CIB1: variants seen among roughly 807,000 people sequenced by gnomAD.
CIB1 encodes the protein calcium and integrin binding 1.
In CIB1, 19 loss-of-function variants were observed where a neutral mutation model predicts 25.0. The observed-to-expected ratio is 0.76, with a 90% confidence interval of 0.53 to 1.12. The LOEUF is 1.12. CIB1 is among the 50% of genes most tolerant of loss of function. The probability of loss-of-function intolerance (pLI) is 0.00; values close to 1 mark genes in which losing one functional copy is unlikely to be tolerated. For synonymous variants in CIB1, 104 were observed against 98.5 expected (o/e 1.06, Z -0.33); for missense variants, 236 against 242.6 (o/e 0.97, Z 0.18).
In CIB1 at chr15:90,231,144, C is replaced by A. The variant is rs11551251; in HGVS notation, c.416G>T (p.Gly139Val). 6.2e-7 allele frequency: 1 copy of A among 1,614,218 alleles called. No individual in the cohort carries two copies. The highest frequency in any genetic ancestry group is 8.5e-7 in the Non-Finnish European group (1 of 1,180,040). ...AGACGCACTAAGCCGTGTGTCCTCG[C>A]CCTCTCCCGTGAGGCAGTTCACCAG... ...SRLVNCLTGE[G>V]EDTRLSASEM... Residue 139 changes from glycine to valine, a missense_variant, in exon 5 of 7, where the codon GGC becomes GTC. Physicochemically the swap from Gly to Val is moderately radical, Grantham distance 109. Coordinates refer to ENST00000328649, the MANE Select transcript of CIB1 (RefSeq NM_006384.4).
chr15:90,254,527 G>T, the CIB1 span, among the ~76,000 whole-genome samples: 3 of 146,972 alleles, frequency 2.0e-5, no homozygotes, highest in East Asian at 6.4e-4. Flanking sequence ...TCCAAAGGAG[G>T]GGCATTTGTA....
the CIB1 span, chr15:90,241,150 G>A: frequency 1.1e-5 from 17 of 1,614,126 alleles, no homozygotes; most frequent in Admixed American, 1.2e-4. Context: ...TACCGTCTAC[G>A]GGAGCTACAG....
At chr15:90,261,334 C>T in the CIB1 span, among the ~76,000 whole-genome samples, 2 of 151,062 alleles carry the variant, frequency 1.3e-5, no homozygotes, top group African/African-American at 4.9e-5. Flanking sequence ...CCGCCTTGGC[C>T]TCCCAAAGTG....
chr15:90,241,486 T>C, the CIB1 span: 6 of 1,613,782 alleles, frequency 3.7e-6, no homozygotes, highest in South Asian at 4.4e-5. Context: ...ATTGAGGCTG[T>C]GCTGCTGAGC....
intron 2 of CIB1, 130 bp downstream of exon 2, chr15:90,233,539 G>A: frequency 8.3e-7 from 1 of 1,202,652 alleles, no homozygotes; most frequent in South Asian, 1.3e-5. Flanking sequence ...CCCGGGCTAG[G>A]TCTCCCGGCC....
chr15:90,253,778 G>C, the CIB1 span, among the ~76,000 whole-genome samples: 42,139 of 152,076 alleles, frequency 0.28, 6,809 homozygotes, highest in East Asian at 0.69. Context: ...GGTCCTGCCT[G>C]GTGGCAAGAA....
At chr15:90,248,928 G>C in the CIB1 span, among the ~76,000 whole-genome samples, 2 of 152,074 alleles carry the variant, frequency 1.3e-5, no homozygotes, top group African/African-American at 4.8e-5. Flanking sequence ...ACTGTGATAA[G>C]GCGGTTTGGT....
the CIB1 span, among the ~76,000 whole-genome samples, chr15:90,250,080 C>T: frequency 6.6e-6 from 1 of 151,890 alleles, no homozygotes; most frequent in Non-Finnish European, 1.5e-5. Flanking sequence ...CCCTCAGCCT[C>T]CCGAGTAGCT....
chr15:90,264,109 A>C, the CIB1 span: 1 of 1,179,144 alleles, frequency 8.5e-7, no homozygotes, highest in African/African-American at 1.5e-5. Context: ...AAATCCCACT[A>C]GCAAGCATAG....
the CIB1 span, among the ~76,000 whole-genome samples, chr15:90,254,202 TAAA>T: frequency 0.28 from 38,991 of 138,942 alleles, 6,092 homozygotes; most frequent in East Asian, 0.67. Context: ...TTTTTTTTTT[TAAA>T]AAAAAAAGGC....
the CIB1 span, chr15:90,265,351 G>A: frequency 8.1e-7 from 1 of 1,227,638 alleles, no homozygotes; most frequent in South Asian, 1.9e-5. Flanking sequence ...GTCGCCGTCA[G>A]AAGACTGCCG....
chr15:90,256,595 TTC>T, the CIB1 span, among the ~76,000 whole-genome samples: 8 of 37,910 alleles, frequency 2.1e-4, no homozygotes, highest in Non-Finnish European at 3.1e-4. Context: ...CTTTCTTTCT[TTC>T]TTTCTTTCTT....
At chr15:90,263,316 G>A in the CIB1 span, 110,299 of 594,534 alleles carry the variant, frequency 0.19, 11,812 homozygotes, top group East Asian at 0.38. Flanking sequence ...TTCCTTTTGC[G>A]TCTGTTCCCA....
At chr15:90,255,809 C>T in the CIB1 span, 12 of 1,614,164 alleles carry the variant, frequency 7.4e-6, no homozygotes, top group Admixed American at 1.0e-4. Context: ...TCTGCTGGCT[C>T]GGAACCTCAA....
the CIB1 span, among the ~76,000 whole-genome samples, chr15:90,257,457 G>C: frequency 1.3e-5 from 2 of 152,042 alleles, no homozygotes; most frequent in African/African-American, 4.8e-5. Flanking sequence ...GAAAAGGTCA[G>C]CACCCGGAGG....
At chr15:90,256,235 ACCCGAAATC>A in the CIB1 span, 3 of 1,614,146 alleles carry the variant, frequency 1.9e-6, no homozygotes, top group East Asian at 6.7e-5. Flanking sequence ...CATCTTCATT[ACCCGAAATC>A]CCCGGGAGAT....
Position 90,231,342 on chromosome 15 carries a change from G to A in CIB1, c.346+15C>T, listed in dbSNP as rs1252265485. ...GGAAGGGGTGGTGTCCTGCCGGGCTGCTCCTGGTTCTCACCAAAGATGCGG... is the reference window on the plus strand; with the variant it reads ...GGAAGGGGTGGTGTCCTGCCGGGCTACTCCTGGTTCTCACCAAAGATGCGG... On this transcript the variant is annotated intron_variant, in intron 4 of 6. Coordinates refer to ENST00000328649, the MANE Select transcript of CIB1 (RefSeq NM_006384.4). 2.5e-6 allele frequency: 4 copies of A among 1,612,460 alleles called. No homozygotes were observed. In the African/African-American group the frequency reaches 4.0e-5, roughly 16 times the overall value.
At chr15:90,235,811 G>A (rs756750626), upstream of CIB1, among the ~76,000 whole-genome samples, 13 of 151,772 alleles carry the variant, frequency 8.6e-5, no homozygotes, top group South Asian at 2.1e-4. Flanking sequence ...CTCGTGATTC[G>A]CCCACCTCGG....
chr15:90,253,400 G>A, the CIB1 span: 5 of 1,544,962 alleles, frequency 3.2e-6, no homozygotes, highest in Admixed American at 6.9e-5. Flanking sequence ...GCCGACAGGG[G>A]CTAGGGCCCC....
Sources: gnomAD v4.1 joint callset for allele counts (sites outside exome capture counted in the v4.1 genomes callset) on GRCh38, gnomAD v4.1.1 for gene constraint, MANE v1.5 for transcripts, NCBI Gene and HGNC (gene_info 2026-07-23, HGNC 2026-07-21) for gene names.